The following TPTE2 variants were observed in gnomAD, a reference collection of about 807,000 sequenced individuals.
TPTE2 encodes the protein phosphatidylinositol 3,4,5-trisphosphate 3-phosphatase TPTE2.
Under a neutral mutation model 78.6 loss-of-function variants are expected in TPTE2, and 53 were observed. That is an observed-to-expected ratio of 0.67 (90% CI 0.54 to 0.85). The LOEUF (loss-of-function observed/expected upper bound fraction) is 0.85. TPTE2 is among the 40% of genes least tolerant of loss of function. TPTE2 has a pLI of 0.00. For missense variants in TPTE2, 461 were observed against 623.0 expected, an observed-to-expected ratio of 0.74 and a Z score of 2.77; for synonymous variants, 175 against 206.2, an observed-to-expected ratio of 0.85 and a Z score of 1.30.
At chr13:19,438,523 A>T (rs1463737797) in intron 13 of TPTE2, 27 of 740,680 alleles carry the variant, frequency 3.6e-5, no homozygotes, top group Non-Finnish European at 4.1e-5. Context: ...CCAAAATTGC[A>T]CAAATACAGT....
rs764304776 is a variant in TPTE2, at chr13:19,493,508, G to A, written c.12-7C>T. On this transcript the variant is annotated splice_region_variant and splice_polypyrimidine_tract_variant and intron_variant, in intron 1 of 19. Transcript: ENST00000400230. ...AAATTCGTTTGTCTGTGGACTAGCG[G>A]ATGATAAGAGAATACAGTCAGAGAG... 2 of 1,613,156 alleles carry A rather than the reference G, an allele frequency of 1.2e-6. No homozygotes were observed. The highest frequency in any genetic ancestry group is 2.2e-5 in the South Asian group (2 of 91,036).
Position 19,482,652 on chromosome 13 carries a change from G to C in TPTE2, c.120-105C>G, listed in dbSNP as rs1880429115. The C allele has an allele frequency of 2.8e-6, 4 of 1,424,048 alleles. No homozygotes were observed. The East Asian group carries it at 9.9e-5, about 35-fold the overall frequency. The allele number at this position is 1,424,048 out of a possible 1,614,324, so 88.2% of individuals were successfully genotyped here. On this transcript the variant is annotated intron_variant, in intron 3 of 19. Transcript: ENST00000400230. ...TAACAAGAATCCCATGAATCTAAAGGATATAGTAAACATGACTTAGCTCAC... is the reference window on the plus strand; with the variant it reads ...TAACAAGAATCCCATGAATCTAAAGCATATAGTAAACATGACTTAGCTCAC...
chr13:19,443,097 T>G (rs190344963), intron 13 of TPTE2, among the ~76,000 whole-genome samples: 18 of 152,152 alleles, frequency 1.2e-4, no homozygotes, highest in South Asian at 1.0e-3. Flanking sequence ...ATTGCCCAGA[T>G]GACATGAATT....
At chr13:19,519,778 A>C (rs1213908830) in intron 1 of TPTE2, among the ~76,000 whole-genome samples, 1 of 152,176 alleles carries the variant, frequency 6.6e-6, no homozygotes, top group African/African-American at 2.4e-5. Context: ...TGCATTTTCA[A>C]ATGAATCTTA....
At chr13:19,478,601 G>A (rs1880121225) in intron 4 of TPTE2, among the ~76,000 whole-genome samples, 1 of 152,342 alleles carries the variant, frequency 6.6e-6, no homozygotes, top group South Asian at 2.1e-4. Context: ...AGACAGTGTG[G>A]TGATTCCTCA....
Position 19,497,552 on chromosome 13 carries a change from C to T in TPTE2, c.12-4051G>A, listed in dbSNP as rs1347511100. On this transcript the variant is annotated intron_variant, in intron 1 of 19. Coordinates refer to ENST00000400230, the Ensembl canonical transcript of TPTE2. ...CCAGCAGGGGCACACTGACACCTCA[C>T]ATGGCAGGGTATTCCAACAGACCTG... Among the ~76,000 whole-genome samples the T allele has an allele frequency of 1.1e-4, 8 of 73,612 alleles. 1 individual carries two copies. The East Asian group carries it at 3.7e-3, about 34-fold the overall frequency. 48.3% of individuals were successfully genotyped at this position (73,612 alleles called of 152,430 possible).
chr13:19,491,567 T>C (rs1171231410), intron 3 of TPTE2, among the ~76,000 whole-genome samples: 3 of 152,120 alleles, frequency 2.0e-5, no homozygotes, highest in African/African-American at 7.2e-5. Flanking sequence ...GGCTCATGAC[T>C]GTAAACCCAG....
chr13:19,447,620 G>T (rs1411099955), intron 13 of TPTE2, among the ~76,000 whole-genome samples: 1 of 151,970 alleles, frequency 6.6e-6, no homozygotes. Flanking sequence ...ACTAAAACTT[G>T]ATTTTACTGA....
chr13:19,526,291 C>T (rs1468420915), intron 1 of TPTE2, among the ~76,000 whole-genome samples: 1 of 152,052 alleles, frequency 6.6e-6, no homozygotes, highest in Non-Finnish European at 1.5e-5. Context: ...AGCTAGGTGC[C>T]CATCAATGGT....
chr13:19,455,231 C>T (rs2497239), intron 10 of TPTE2, among the ~76,000 whole-genome samples: 148,208 of 152,328 alleles, frequency 0.97, 72,187 homozygotes, highest in East Asian at 1. Context: ...GCTGAAGTCT[C>T]TAGTCTCTGA....
chr13:19,559,593 C>T, the TPTE2 span, among the ~76,000 whole-genome samples: 1 of 150,972 alleles, frequency 6.6e-6, no homozygotes, highest in Non-Finnish European at 1.5e-5. Flanking sequence ...GGAGCATGGG[C>T]CTTTGCTCTC....
At chr13:19,489,142 G>A (rs1003106722) in intron 3 of TPTE2, among the ~76,000 whole-genome samples, 7 of 152,248 alleles carry the variant, frequency 4.6e-5, no homozygotes, top group South Asian at 4.1e-4. Flanking sequence ...GGCATGGTTC[G>A]TGTTGCCCCA....
intron 15 of TPTE2, 97 bp from the exon 19 acceptor site, chr13:19,432,675 G>C (rs1876756458): frequency 3.0e-6 from 2 of 656,166 alleles, no homozygotes; most frequent in Non-Finnish European, 5.1e-6. Context: ...TGTTAATGGA[G>C]GTAAGTAATT....
At chr13:19,496,843 G>A (rs1159538899) in intron 1 of TPTE2, among the ~76,000 whole-genome samples, 1 of 152,236 alleles carries the variant, frequency 6.6e-6, no homozygotes, top group Non-Finnish European at 1.5e-5. Context: ...CTCCCAGCGT[G>A]AGCGACGCGG....
At chr13:19,459,900 C>A (rs1021645376) in intron 10 of TPTE2, among the ~76,000 whole-genome samples, 1 of 152,166 alleles carries the variant, frequency 6.6e-6, no homozygotes, top group African/African-American at 2.4e-5. Flanking sequence ...TCCCCACCTC[C>A]CCGGGAACTC....
At chr13:19,520,371 C>T (rs1405013356) in intron 1 of TPTE2, among the ~76,000 whole-genome samples, 1 of 151,976 alleles carries the variant, frequency 6.6e-6, no homozygotes, top group Non-Finnish European at 1.5e-5. Flanking sequence ...GTAAAACTTT[C>T]ACCACTAAGT....
In TPTE2 at chr13:19,501,546, T is replaced by C. The variant is rs991300532; in HGVS notation, c.11+1678A>G. 5.5e-3 allele frequency among the ~76,000 whole-genome samples: 818 copies of C among 149,688 alleles called. 7 individuals carry two copies. The highest frequency in any genetic ancestry group is 0.019 in the African/African-American group (756 of 40,690). ...TGACAAACCTGAGAAAAACAAGCAATGGGGAAAGGATTCCCTATTTAATAA... is the reference window on the plus strand; with the variant it reads ...TGACAAACCTGAGAAAAACAAGCAACGGGGAAAGGATTCCCTATTTAATAA... On this transcript the variant is annotated intron_variant, in intron 1 of 19. Transcript: ENST00000400230.
rs770513286 is a variant in TPTE2, at chr13:19,451,106, C to T, written c.802+59G>A. 241 of 1,582,386 alleles carry T rather than the reference C, an allele frequency of 1.5e-4. 1 individual carries two copies. Among genetic ancestry groups the T allele is most frequent in the Non-Finnish European group, 2.1e-4 (239 of 1,162,682 alleles). On this transcript the variant is annotated intron_variant, in intron 11 of 19. Transcript: ENST00000400230. ...GCAATCTAAAAAGCAAAATCATCTTCTTACGTGCAGTAATCTGTTTTCTAC... is the reference window on the plus strand; with the variant it reads ...GCAATCTAAAAAGCAAAATCATCTTTTTACGTGCAGTAATCTGTTTTCTAC...
chr13:19,440,362 AACC>A (rs1877408223), intron 13 of TPTE2, among the ~76,000 whole-genome samples: 1 of 152,352 alleles, frequency 6.6e-6, no homozygotes, highest in African/African-American at 2.4e-5. Context: ...ATTAAACAGA[AACC>A]ACATGATCAT....
Sources: gnomAD v4.1 joint callset for allele counts (sites outside exome capture counted in the v4.1 genomes callset) on GRCh38, gnomAD v4.1.1 for gene constraint, MANE v1.5 for transcripts, NCBI Gene and HGNC (gene_info 2026-07-23, HGNC 2026-07-21) for gene names.